ZFP64: variants seen among roughly 807,000 people sequenced by gnomAD.
ZFP64 encodes ZFP64 zinc finger protein.
Under a neutral mutation model 51.6 loss-of-function variants are expected in ZFP64, and 14 were observed. The ratio of observed to expected loss-of-function variants is 0.27; its 90% CI spans 0.18 to 0.42. The LOEUF is 0.42. Ranked by LOEUF, ZFP64 falls within the 10% of genes least tolerant of loss-of-function variation. The pLI is 1.00. For synonymous variants in ZFP64, 375 were observed against 361.4 expected (o/e 1.04, Z -0.43); for missense variants, 754 against 906.8 (o/e 0.83, Z 2.16).
At position 52,152,163 on chromosome 20, in the gene ZFP64, C is replaced by A; in HGVS notation, c.2029G>T (p.Asp677Tyr). The A allele has an allele frequency of 2.5e-6, 4 of 1,613,784 alleles. No homozygotes were observed. The highest frequency in any genetic ancestry group is 3.4e-6 in the Non-Finnish European group (4 of 1,179,752). The change falls in exon 6 of 6, where the codon GAC becomes TAC. Residue 677 changes from aspartate to tyrosine, a missense_variant. By Grantham distance (160) the Asp-to-Tyr change is radical. This residue lies in a region of ZFP64 where 428 missense variants were observed against 472.4 expected (regional missense o/e 0.91). Transcript: ENST00000216923. ...TTTAAGCACTAATCTGGAATGGAGTCGGCGGGACAGAGCAAAGCTGGATGG... is the reference window on the plus strand; with the variant it reads ...TTTAAGCACTAATCTGGAATGGAGTAGGCGGGACAGAGCAAAGCTGGATGG... ...AAHPALLCPA[D>Y]SIPD
intron 2 of ZFP64, among the ~76,000 whole-genome samples, chr20:52,178,031 C>CAAAA (rs112472792): frequency 1.2e-5 from 1 of 86,162 alleles, no homozygotes. Context: ...GCCTCTGTCT[C>CAAAA]AAAAAAAAAA....
At chr20:52,159,410 T>G (rs1164766023) in intron 5 of ZFP64, among the ~76,000 whole-genome samples, 1 of 152,236 alleles carries the variant, frequency 6.6e-6, no homozygotes, top group Non-Finnish European at 1.5e-5. Context: ...ATACGTGTAT[T>G]TCATTTCATG....
intron 2 of ZFP64, among the ~76,000 whole-genome samples, chr20:52,185,902 C>T (rs1983930593): frequency 6.6e-6 from 1 of 152,098 alleles, no homozygotes; most frequent in South Asian, 2.1e-4. Flanking sequence ...CTTTTTATCT[C>T]CTTTTACTGG....
At chr20:52,133,752 G>T (rs189434052) in intron 5 of ZFP64, among the ~76,000 whole-genome samples, 2 of 152,160 alleles carry the variant, frequency 1.3e-5, no homozygotes, top group African/African-American at 2.4e-5. Flanking sequence ...AGGGCTTTTT[G>T]TCTGGGCTGG....
intron 5 of ZFP64, among the ~76,000 whole-genome samples, chr20:52,126,321 C>T (rs190093617): frequency 2.0e-5 from 3 of 152,322 alleles, no homozygotes; most frequent in Non-Finnish European, 4.4e-5. Flanking sequence ...CTGGGTCAGA[C>T]ACCTGGGAAG....
intron 5 of ZFP64, among the ~76,000 whole-genome samples, chr20:52,103,465 C>T (rs1286830963): frequency 3.3e-5 from 5 of 152,090 alleles, no homozygotes; most frequent in Non-Finnish European, 7.4e-5. Flanking sequence ...ACTACTGGGC[C>T]GGCAGAGTTT....
intron 3 of ZFP64, 159 bp from the exon 4 acceptor site, chr20:52,164,916 A>G (rs1982126860): frequency 1.4e-6 from 1 of 710,244 alleles, no homozygotes; most frequent in African/African-American, 1.7e-5. Flanking sequence ...ACCGGGAAAA[A>G]CACACCGTCA....
intron 7 of ZFP64, chr20:52,088,981 G>C (rs1456370902): frequency 1.9e-6 from 1 of 536,824 alleles, no homozygotes. Context: ...GAACCACATG[G>C]AGAATGGTCA....
At chr20:52,124,029 C>T (rs1979327491) in intron 5 of ZFP64, among the ~76,000 whole-genome samples, 1 of 152,048 alleles carries the variant, frequency 6.6e-6, no homozygotes, top group African/African-American at 2.4e-5. Context: ...GCCACCATGC[C>T]TGACTAATTT....
intron 5 of ZFP64, among the ~76,000 whole-genome samples, chr20:52,114,496 T>A (rs897602414): frequency 1.3e-5 from 2 of 152,160 alleles, no homozygotes; most frequent in Non-Finnish European, 2.9e-5. Context: ...GCAACAAACA[T>A]GGAAGGGATG....
At chr20:52,145,246 T>C (rs1980466700) in intron 5 of ZFP64, among the ~76,000 whole-genome samples, 1 of 152,258 alleles carries the variant, frequency 6.6e-6, no homozygotes, top group South Asian at 2.1e-4. Context: ...AAATAGGGCG[T>C]AGCCTATGGC....
rs371710298 is a variant in ZFP64, at chr20:52,152,596, C to T, written c.1596G>A (p.Glu532=). ...VPPALVAQNP[E]ELPGNSRLQI... ...GCAGCCGGCTGTTCCCTGGGAGTTCCTCTGGGTTCTGGGCCACCAAGGCAG... is the reference window on the plus strand; with the variant it reads ...GCAGCCGGCTGTTCCCTGGGAGTTCTTCTGGGTTCTGGGCCACCAAGGCAG... The change falls in exon 6 of 6, where the codon GAG becomes GAA. Residue 532 remains glutamate, a synonymous_variant. Coordinates refer to ENST00000216923, the MANE Select transcript of ZFP64 (RefSeq NM_018197.3). The T allele has an allele frequency of 6.5e-7, 1 of 1,546,768 alleles. No individual in the cohort carries two copies. The highest frequency in any genetic ancestry group is 8.7e-7 in the Non-Finnish European group (1 of 1,150,602).
intron 2 of ZFP64, among the ~76,000 whole-genome samples, chr20:52,167,785 A>C (rs1178259946): frequency 5.3e-5 from 8 of 152,148 alleles, no homozygotes; most frequent in African/African-American, 9.7e-5. Flanking sequence ...CACCTTTGAC[A>C]TTTTTGACAT....
chr20:52,119,878 A>G (rs1245726515), intron 5 of ZFP64, among the ~76,000 whole-genome samples: 1 of 152,060 alleles, frequency 6.6e-6, no homozygotes, highest in Non-Finnish European at 1.5e-5. Context: ...TTGGGTGGGG[A>G]GGAGGTGTGA....
rs1555810297 is a variant in ZFP64, at chr20:52,176,505, C to CTCTTTTTTTTTTTTTT, written c.286+10326_286+10327insAAAAAAAAAAAAAAGA. On this transcript the variant is annotated intron_variant, in intron 2 of 5. Transcript: ENST00000216923. ...ATTTCTAGCTTCTGGTTCAATCTCT[C>CTCTTTTTTTTTTTTTT]TTTTTTTTTTTTTTTGAGACGGAGT... is the stretch of plus-strand genomic sequence containing the variant. 8.4e-4 allele frequency among the ~76,000 whole-genome samples: 115 copies of CTCTTTTTTTTTTTTTT among 136,692 alleles called. 1 individual carries two copies. The highest frequency in any genetic ancestry group is 2.9e-3 in the African/African-American group (105 of 36,124). The allele number at this position is 136,692 out of a possible 152,430, so 89.7% of individuals were successfully genotyped here. A position where few individuals can be genotyped will look rare whatever the true frequency, so the allele number is the denominator to read the frequency against.
chr20:52,097,048 G>A (rs750970645), intron 7 of ZFP64: 14 of 662,914 alleles, frequency 2.1e-5, no homozygotes, highest in Non-Finnish European at 3.8e-5. Context: ...TTGTAATCCT[G>A]GCATAGATTA....
chr20:52,146,234 T>C (rs370502075), intron 5 of ZFP64, among the ~76,000 whole-genome samples: 11 of 152,292 alleles, frequency 7.2e-5, no homozygotes, highest in East Asian at 5.8e-4. Flanking sequence ...GCTGGGTATA[T>C]ACCCAAAGGG....
intron 5 of ZFP64, among the ~76,000 whole-genome samples, chr20:52,141,643 T>C (rs1236744081): frequency 1.3e-5 from 2 of 152,230 alleles, no homozygotes; most frequent in Non-Finnish European, 1.5e-5. Context: ...GATGAGGAAT[T>C]TCTTCTTATG....
rs765315166 is a variant in ZFP64, at chr20:52,152,213, G to T, written c.1979C>A (p.Thr660Asn). 6.2e-7 allele frequency: 1 copy of T among 1,614,134 alleles called. No homozygotes were observed. Among genetic ancestry groups the T allele is most frequent in the Non-Finnish European group, 8.5e-7 (1 of 1,180,036 alleles). ...GGCTGCCCCTTGAATGATGGAGTAG[G>T]TCTGCTTGGGTAGTTCTTGCTGGGA... The part of the protein sequence containing the change: ...SSSQQELPKQ[T>N]YSIIQGAAHP... The change falls in exon 6 of 6, where the codon ACC becomes AAC. Residue 660 changes from threonine (T) to asparagine (N), a missense_variant. Coordinates refer to ENST00000216923, the MANE Select transcript of ZFP64 (RefSeq NM_018197.3).
Sources: allele counts gnomAD v4.1 joint callset (sites outside exome capture counted in the v4.1 genomes callset), GRCh38; gene constraint gnomAD v4.1.1; regional missense constraint gnomAD v4.1.1; transcripts MANE v1.5; gene names NCBI Gene and HGNC (gene_info 2026-07-23, HGNC 2026-07-21).